The following ACTR3 variants were observed in gnomAD, a reference collection of about 807,000 sequenced individuals.
ACTR3 encodes the protein actin-related protein 3.
ACTR3 carries 12 observed loss-of-function variants against 56.8 expected under a neutral mutation model. The observed-to-expected ratio is 0.21, with a 90% confidence interval of 0.14 to 0.34. ACTR3 has a LOEUF of 0.34. ACTR3 is among the 10% of genes least tolerant of loss of function. The pLI is 1.00. For synonymous variants in ACTR3, 162 were observed against 167.4 expected, an observed-to-expected ratio of 0.97 and a Z score of 0.25; for missense variants, 282 against 512.5, an observed-to-expected ratio of 0.55 and a Z score of 4.34.
chr2:113,950,466 A>G (rs1164749766), intron 8 of ACTR3, among the ~76,000 whole-genome samples: 1 of 152,252 alleles, frequency 6.6e-6, no homozygotes, highest in Non-Finnish European at 1.5e-5. Flanking sequence ...TGTGCACATC[A>G]GTGGACTCAA....
intron 3 of ACTR3, among the ~76,000 whole-genome samples, chr2:113,923,428 C>CG (rs1679555676): frequency 6.6e-6 from 1 of 152,030 alleles, no homozygotes; most frequent in African/African-American, 2.4e-5. Flanking sequence ...GCCTCGACTT[C>CG]GGGTTCATGC....
At position 113,959,120 on chromosome 2, in the gene ACTR3, A is replaced by G. The variant is rs1680277268; in HGVS notation, c.*1665A>G. 6.6e-6 allele frequency: 1 copy of G among 152,038 alleles called. No individual in the cohort carries two copies. Among genetic ancestry groups the G allele is most frequent in the Non-Finnish European group, 1.5e-5 (1 of 67,914 alleles). The allele number at this position is 152,038 out of a possible 1,614,324, so 9.4% of individuals were successfully genotyped here. The stretch of plus-strand genomic sequence containing the variant: ...AAATACTATTCAAACAGTACCAAAG[A>G]GTAGATTAGCAAAAGTAAGTTTTTT... On this transcript the variant is annotated 3_prime_UTR_variant, in exon 12 of 12. Coordinates refer to ENST00000263238, the MANE Select transcript of ACTR3 (RefSeq NM_005721.5).
intron 6 of ACTR3, among the ~76,000 whole-genome samples, chr2:113,939,311 C>T (rs559114063): frequency 1.4e-4 from 21 of 152,252 alleles, no homozygotes; most frequent in African/African-American, 5.1e-4. Flanking sequence ...CGTGAGCCAC[C>T]GCGCCCGGCC....
chr2:113,890,926 C>CCT (rs1678881477), intron 1 of ACTR3: 1 of 355,066 alleles, frequency 2.8e-6, no homozygotes, highest in South Asian at 1.1e-4. Context: ...TTTCCATCTC[C>CCT]CTCTGCGTTT....
chr2:113,951,898 G>C, intron 10 of ACTR3, 53 bp downstream of exon 10: 1 of 1,597,754 alleles, frequency 6.3e-7, no homozygotes, highest in Non-Finnish European at 8.6e-7. Flanking sequence ...CCTTGATTAG[G>C]ATGAGAAATA....
intron 1 of ACTR3, chr2:113,905,357 T>TG (rs1679173205): frequency 6.6e-6 from 1 of 151,862 alleles, no homozygotes; most frequent in Admixed American, 6.6e-5. Context: ...CTTAGCTACT[T>TG]GGGAGGCTGA....
At chr2:113,891,074 T>C (rs1170093865) in intron 1 of ACTR3, among the ~76,000 whole-genome samples, 1 of 152,158 alleles carries the variant, frequency 6.6e-6, no homozygotes, top group Non-Finnish European at 1.5e-5. Context: ...CTGCTTTCAG[T>C]CTTTTATACC....
At position 113,899,838 on chromosome 2, in the gene ACTR3, G is replaced by A. The variant is rs1204206194; in HGVS notation, c.44+9515G>A. Among the ~76,000 whole-genome samples, 7 of 152,286 alleles carry A rather than the reference G, an allele frequency of 4.6e-5. No individual in the cohort carries two copies. The South Asian group carries it at 1.5e-3, about 32-fold the overall frequency. On this transcript the variant is annotated intron_variant, in intron 1 of 11. Coordinates refer to ENST00000263238, the MANE Select transcript of ACTR3 (RefSeq NM_005721.5). ...GTCATGAAGGAGTTTCAAAGTATTT[G>A]GGGGATGGGTCAGTTAGGAAATTGC...
intron 7 of ACTR3, 66 bp from the exon 8 acceptor site, chr2:113,942,120 A>G (rs1277743169): frequency 8.0e-7 from 1 of 1,255,384 alleles, no homozygotes; most frequent in Non-Finnish European, 1.1e-6. Flanking sequence ...TACTGAAAAC[A>G]TGCCATTCTT....
intron 4 of ACTR3, among the ~76,000 whole-genome samples, chr2:113,928,343 T>A (rs573815007): frequency 6.6e-6 from 1 of 152,370 alleles, no homozygotes; most frequent in East Asian, 1.9e-4. Context: ...CACTTCATTT[T>A]AGTTTTTAAA....
chr2:113,939,850 C>G, intron 6 of ACTR3, 109 bp from the exon 7 acceptor site: 1 of 983,534 alleles, frequency 1.0e-6, no homozygotes, highest in Non-Finnish European at 1.5e-6. Flanking sequence ...GTACTTGAGA[C>G]TATAAATACA....
At chr2:113,923,123 C>T (rs936519275) in intron 3 of ACTR3, among the ~76,000 whole-genome samples, 3 of 152,178 alleles carry the variant, frequency 2.0e-5, no homozygotes, top group African/African-American at 7.2e-5. Context: ...AAACTTCTCT[C>T]AATCTTTATT....
intron 1 of ACTR3, among the ~76,000 whole-genome samples, chr2:113,900,544 G>A (rs1679081822): frequency 6.6e-6 from 1 of 152,144 alleles, no homozygotes; most frequent in Admixed American, 6.5e-5. Flanking sequence ...GAAGGCCTAT[G>A]GATAAAGGAA....
At chr2:113,894,575 C>T (rs1678969403) in intron 1 of ACTR3, among the ~76,000 whole-genome samples, 1 of 152,054 alleles carries the variant, frequency 6.6e-6, no homozygotes, top group African/African-American at 2.4e-5. Flanking sequence ...GCGAAAGACT[C>T]TCCCTCCTTT....
intron 3 of ACTR3, among the ~76,000 whole-genome samples, chr2:113,925,786 G>A (rs1476759115): frequency 6.6e-6 from 1 of 152,174 alleles, no homozygotes; most frequent in Non-Finnish European, 1.5e-5. Context: ...AAAAAGTAGT[G>A]TGGAAACTAG....
At chr2:113,936,767 T>C (rs1375824932) in intron 6 of ACTR3, among the ~76,000 whole-genome samples, 3 of 152,182 alleles carry the variant, frequency 2.0e-5, no homozygotes, top group African/African-American at 7.2e-5. Context: ...AATTGTGATA[T>C]AACTACAATG....
intron 1 of ACTR3, among the ~76,000 whole-genome samples, chr2:113,912,190 T>C (rs1224784587): frequency 2.6e-5 from 4 of 152,116 alleles, no homozygotes; most frequent in Non-Finnish European, 4.4e-5. Flanking sequence ...GCAGATTTTT[T>C]TTTTTCATTT....
rs558436867 is a variant in ACTR3 at position 113,951,358 on chromosome 2, A to G, written c.859-121A>G. On this transcript the variant is annotated intron_variant, in intron 8 of 11. Transcript: ENST00000263238. ...TGTCTTCAATCTGAATCTGTTAGAG[A>G]CCAGTATTAGTGGTTTCTAAAAGGC... The G allele has an allele frequency of 2.7e-5, 16 of 583,722 alleles. No individual in the cohort carries two copies. In the East Asian group the frequency reaches 4.6e-4, roughly 17 times the overall value. The allele number at this position is 583,722 out of a possible 1,614,324, so 36.2% of individuals were successfully genotyped here.
intron 3 of ACTR3, among the ~76,000 whole-genome samples, chr2:113,925,988 G>A (rs747031472): frequency 2.6e-5 from 4 of 152,114 alleles, no homozygotes; most frequent in Admixed American, 6.6e-5. Flanking sequence ...CGAAAGAAAT[G>A]TCTGATAGTT....
Sources: allele counts gnomAD v4.1 joint callset (sites outside exome capture counted in the v4.1 genomes callset), GRCh38; gene constraint gnomAD v4.1.1; transcripts MANE v1.5; gene names NCBI Gene and HGNC (gene_info 2026-07-23, HGNC 2026-07-21).